UBLCP1: variants seen among roughly 807,000 people sequenced by gnomAD.
UBLCP1 encodes the protein ubiquitin like domain containing CTD phosphatase 1, also known as ubiquitin-like domain-containing CTD phosphatase 1.
In UBLCP1, 28 loss-of-function variants were observed where a neutral mutation model predicts 42.4. That is an observed-to-expected ratio of 0.66 (90% CI 0.49 to 0.90). The LOEUF (loss-of-function observed/expected upper bound fraction) is 0.90. Among genes scored for constraint, UBLCP1 ranks in the 40% least tolerant of loss-of-function variants. The pLI is 0.00. For synonymous variants in UBLCP1, 122 were observed against 120.8 expected (o/e 1.01, Z -0.07); for missense variants, 279 against 374.5 (o/e 0.75, Z 2.10).
chr5:159,266,412 CAA>C (rs1259108774), intron 1 of UBLCP1, among the ~76,000 whole-genome samples: 2 of 152,168 alleles, frequency 1.3e-5, no homozygotes, highest in African/African-American at 2.4e-5. Context: ...GCAAAGCACT[CAA>C]GAGGTGATTT....
rs938154144 is a variant in UBLCP1 at position 159,284,935 on chromosome 5, C to T, written c.*4C>T. 6.2e-7 allele frequency: 1 copy of T among 1,612,464 alleles called. No homozygotes were observed. The highest frequency in any genetic ancestry group is 8.5e-7 in the Non-Finnish European group (1 of 1,178,904). On this transcript the variant is annotated 3_prime_UTR_variant, in exon 11 of 11. Transcript: ENST00000296786. ...CTCAAAGAAGCAAGGACAGTAGTTA[C>T]AAGTTATACTGGCAGTTATTGAAGA... is the stretch of plus-strand genomic sequence containing the variant.
At chr5:159,270,170 A>T (rs2113312207) in intron 3 of UBLCP1, among the ~76,000 whole-genome samples, 171 bp downstream of exon 3, 1 of 152,306 alleles carries the variant, frequency 6.6e-6, no homozygotes, top group South Asian at 2.1e-4. Flanking sequence ...AGTAGCACAA[A>T]TGATCAAATT....
At chr5:159,275,113 CTAT>C (rs779427026) in intron 7 of UBLCP1, 32 bp from the exon 8 acceptor site, 4 of 1,579,634 alleles carry the variant, frequency 2.5e-6, no homozygotes, top group African/African-American at 2.7e-5. Flanking sequence ...TTCCACACTA[CTAT>C]GTTTTAACCT....
At chr5:159,277,063 G>A (rs1753548254) in intron 8 of UBLCP1, among the ~76,000 whole-genome samples, 1 of 151,868 alleles carries the variant, frequency 6.6e-6, no homozygotes, top group Non-Finnish European at 1.5e-5. Flanking sequence ...TATTCTGGAT[G>A]TCATAAAAAA....
At chr5:159,264,388 A>G (rs998928193) in intron 1 of UBLCP1, among the ~76,000 whole-genome samples, 2 of 152,394 alleles carry the variant, frequency 1.3e-5, no homozygotes, top group Middle Eastern at 3.4e-3. Context: ...AAAATAGCTC[A>G]TGCATTTATA....
At chr5:159,266,695 G>A (rs1434114685) in intron 1 of UBLCP1, among the ~76,000 whole-genome samples, 6 of 152,192 alleles carry the variant, frequency 3.9e-5, no homozygotes, top group Non-Finnish European at 5.9e-5. Context: ...CGTGGGCCCG[G>A]CCCAGGGTCC....
At chr5:159,270,086 A>G in intron 3 of UBLCP1, 87 bp downstream of exon 3, 2 of 1,187,424 alleles carry the variant, frequency 1.7e-6, no homozygotes, top group Non-Finnish European at 2.3e-6. Context: ...TAATTGTGGT[A>G]AAATTGTCAG....
chr5:159,263,882 T>C (rs1345801431), intron 1 of UBLCP1, among the ~76,000 whole-genome samples: 1 of 152,246 alleles, frequency 6.6e-6, no homozygotes, highest in East Asian at 1.9e-4. Flanking sequence ...CTTTAAAATT[T>C]CTTCATTTGC....
chr5:159,274,736 A>G (rs1186802397), intron 7 of UBLCP1, 114 bp downstream of exon 7: 1 of 865,442 alleles, frequency 1.2e-6, no homozygotes, highest in Non-Finnish European at 1.8e-6. Flanking sequence ...GTAGATAGAT[A>G]AATGCCATTA....
chr5:159,284,796 A>G, intron 10 of UBLCP1, 108 bp from the exon 11 acceptor site: 1 of 1,110,010 alleles, frequency 9.0e-7, no homozygotes, highest in South Asian at 1.3e-5. Context: ...AAGAATACTC[A>G]TCTTGAAATG....
At position 159,285,888 on chromosome 5, in the gene UBLCP1, A is replaced by C. The variant is rs1450074711; in HGVS notation, c.*957A>C. 6.5e-6 allele frequency: 1 copy of C among 152,778 alleles called. No homozygotes were observed. Among genetic ancestry groups the C allele is most frequent in the Non-Finnish European group, 1.5e-5 (1 of 68,026 alleles). 9.5% of individuals were successfully genotyped at this position (152,778 alleles called of 1,614,324 possible). A position where few individuals can be genotyped will look rare whatever the true frequency, so the allele number is the denominator to read the frequency against. Reference sequence around the variant, plus strand: ...ATTTGCAATGCTTAAGCCTGCAGATACGTAATGTGACCACTGTTTTGTGTT... The same window carrying C: ...ATTTGCAATGCTTAAGCCTGCAGATCCGTAATGTGACCACTGTTTTGTGTT... On this transcript the variant is annotated 3_prime_UTR_variant, in exon 11 of 11. Transcript: ENST00000296786.
intron 6 of UBLCP1, among the ~76,000 whole-genome samples, chr5:159,273,627 G>A (rs1753497800): frequency 6.6e-6 from 1 of 151,914 alleles, no homozygotes; most frequent in African/African-American, 2.4e-5. Context: ...TTTGTTTTTC[G>A]TCTGATAATT....
intron 1 of UBLCP1, among the ~76,000 whole-genome samples, chr5:159,263,703 C>G (rs560178580): frequency 1.3e-3 from 194 of 152,302 alleles, no homozygotes; most frequent in Non-Finnish European, 2.3e-3. Context: ...CACCTGCCTC[C>G]TAATGCTCCC....
At chr5:159,284,787 A>C in intron 10 of UBLCP1, 117 bp from the exon 11 acceptor site, 2 of 1,010,872 alleles carry the variant, frequency 2.0e-6, no homozygotes, top group South Asian at 1.3e-5. Flanking sequence ...GTGACTATTA[A>C]GAATACTCAT....
chr5:159,263,918 C>T (rs955174957), intron 1 of UBLCP1, among the ~76,000 whole-genome samples: 2 of 152,112 alleles, frequency 1.3e-5, no homozygotes, highest in African/African-American at 4.8e-5. Context: ...TGGTCCCGGG[C>T]AAGTTTAATT....
intron 9 of UBLCP1, among the ~76,000 whole-genome samples, chr5:159,279,379 T>C (rs1753579077): frequency 6.6e-6 from 1 of 152,200 alleles, no homozygotes; most frequent in Non-Finnish European, 1.5e-5. Flanking sequence ...TACCCATAGT[T>C]GATTACATGT....
At chr5:159,265,684 A>T (rs1429659747) in intron 1 of UBLCP1, among the ~76,000 whole-genome samples, 1 of 152,070 alleles carries the variant, frequency 6.6e-6, no homozygotes, top group Non-Finnish European at 1.5e-5. Flanking sequence ...ATGAGATCTG[A>T]TGGATTTATC....
rs972758223 is a variant in UBLCP1, at chr5:159,275,216, A to G, written c.654A>G (p.Thr218=). 2 of 1,613,142 alleles carry G rather than the reference A, an allele frequency of 1.2e-6. No homozygotes were observed. Among genetic ancestry groups the G allele is most frequent in the Non-Finnish European group, 1.7e-6 (2 of 1,179,752 alleles). ...TFMLDSAAMI[T]VHTPRRGLID... The stretch of plus-strand genomic sequence containing the variant: ...TGTTGGATAGTGCTGCTATGATAAC[A>G]GTACATACTCCAAGGAGAGGATTAA... The change falls in exon 8 of 11, where the codon ACA becomes ACG. Residue 218 remains threonine (T), a synonymous_variant. Transcript: ENST00000296786.
In UBLCP1 at chr5:159,269,502, AT is replaced by A. The variant is rs555762297; in HGVS notation, c.155-398del. Among the ~76,000 whole-genome samples the A allele has an allele frequency of 2.2e-3, 329 of 152,152 alleles. 1 individual carries two copies. The highest frequency in any genetic ancestry group is 7.4e-3 in the African/African-American group (308 of 41,506). Reference sequence around the variant, plus strand: ...AGCATTCATATCCAGTTTAAAAGGGATTTTTTTTATGGTGTTTTGTGATTAT... The same window carrying A: ...AGCATTCATATCCAGTTTAAAAGGGATTTTTTTATGGTGTTTTGTGATTAT... On this transcript the variant is annotated intron_variant, in intron 2 of 10. Coordinates refer to ENST00000296786, the MANE Select transcript of UBLCP1 (RefSeq NM_145049.5).
Sources: allele counts gnomAD v4.1 joint callset (sites outside exome capture counted in the v4.1 genomes callset), GRCh38; gene constraint gnomAD v4.1.1; transcripts MANE v1.5; gene names NCBI Gene and HGNC (gene_info 2026-07-23, HGNC 2026-07-21).